The following DEPDC4 variants were observed in gnomAD, a reference collection of about 807,000 sequenced individuals.
DEPDC4 encodes the protein DEP domain containing 4.
Under a neutral mutation model 52.0 loss-of-function variants are expected in DEPDC4, and 52 were observed. That is an observed-to-expected ratio of 1.00 (90% confidence interval 0.80 to 1.26). The LOEUF (loss-of-function observed/expected upper bound fraction) is 1.26, where lower values mean the gene tolerates loss of function less well. Ranked by LOEUF, DEPDC4 falls within the 50% of genes most tolerant of loss-of-function variation. The probability of loss-of-function intolerance (pLI) is 0.00; values close to 1 mark genes in which losing one functional copy is unlikely to be tolerated. For missense variants in DEPDC4, 530 were observed against 546.9 expected (o/e 0.97, Z 0.31); for synonymous variants, 201 against 196.8 (o/e 1.02, Z -0.18).
chr12:100,235,237 T>G (rs1253274551), downstream of DEPDC4, among the ~76,000 whole-genome samples: 1 of 152,108 alleles, frequency 6.6e-6, no homozygotes, highest in Non-Finnish European at 1.5e-5. Flanking sequence ...CTAAACTATA[T>G]TTTATCCTAA....
intron 5 of DEPDC4, among the ~76,000 whole-genome samples, chr12:100,253,145 T>G (rs2096215696): frequency 6.6e-6 from 1 of 152,234 alleles, no homozygotes; most frequent in South Asian, 2.1e-4. Flanking sequence ...CTAGAACTCC[T>G]GACCTCAGGT....
Position 100,263,640 on chromosome 12 carries a change from T to C in DEPDC4, c.411A>G (p.Gly137=), listed in dbSNP as rs758634987. ...LMNHKVFEPV[G]MKKLFKKEKE... is the part of the protein sequence containing the mutation. ...TTTCTTTTTTGAAAAGCTTCTTCAT[T>C]CCTACTGGTTCAAATACTTTGTGAT... Residue 137 remains glycine, a synonymous_variant, in exon 2 of 10, where the codon GGA becomes GGG. Coordinates refer to ENST00000550587, the MANE Select transcript of DEPDC4 (RefSeq NM_001364818.2). The C allele has an allele frequency of 6.2e-7, 1 of 1,614,138 alleles. No individual in the cohort carries two copies. Among genetic ancestry groups the C allele is most frequent in the African/African-American group, 1.3e-5 (1 of 75,058 alleles).
In DEPDC4 at chr12:100,250,533, T is replaced by C. The variant is rs78636174; in HGVS notation, c.1375-1555A>G. On this transcript the variant is annotated intron_variant, in intron 7 of 9. Coordinates refer to ENST00000550587, the MANE Select transcript of DEPDC4 (RefSeq NM_001364818.2). ...CTGCACCTGGCCTGAACCAGTATGT[T>C]TCCTTATGACACTGCTAGTTGGAAC... is the stretch of plus-strand genomic sequence containing the variant. Among the ~76,000 whole-genome samples, 142 of 152,296 alleles carry C rather than the reference T, an allele frequency of 9.3e-4. 1 individual carries two copies. The highest frequency in any genetic ancestry group is 1.6e-3 in the Non-Finnish European group (112 of 68,028).
intron 8 of DEPDC4, among the ~76,000 whole-genome samples, chr12:100,247,947 G>A (rs895095285): frequency 5.9e-5 from 9 of 151,950 alleles, no homozygotes; most frequent in African/African-American, 1.7e-4. Flanking sequence ...AAAAATCACC[G>A]ATCTTTCTAG....
At chr12:100,271,281 A>AAAG (rs869276181), upstream of DEPDC4, among the ~76,000 whole-genome samples, 956 of 128,760 alleles carry the variant, frequency 7.4e-3, 20 homozygotes, top group African/African-American at 0.023. Context: ...AAAAAAAAAA[A>AAAG]AGAGAGAGAG....
chr12:100,232,918 A>G (rs2096136689), intron 9 of DEPDC4, among the ~76,000 whole-genome samples: 1 of 152,122 alleles, frequency 6.6e-6, no homozygotes, highest in Non-Finnish European at 1.5e-5. Flanking sequence ...AACAAACACA[A>G]AAAAAGAAAC....
the DEPDC4 span, among the ~76,000 whole-genome samples, chr12:100,272,876 GT>G: frequency 6.6e-6 from 1 of 152,062 alleles, no homozygotes; most frequent in African/African-American, 2.4e-5. Flanking sequence ...ATATAACGTA[GT>G]TTAACATGTA....
rs1192282980 is a variant in DEPDC4 at position 100,241,337 on chromosome 12, C to T, written c.*555G>A. Among the ~76,000 whole-genome samples the T allele has an allele frequency of 6.6e-6, 1 of 152,010 alleles. No homozygotes were observed. The highest frequency in any genetic ancestry group is 1.5e-5 in the Non-Finnish European group (1 of 67,992). ...CAAACATGAAGGCTAACTTGTATTC[C>T]TTCTTAAAGTTAAAAACTTCCTTAA... is the stretch of plus-strand genomic sequence containing the variant. On this transcript the variant is annotated 3_prime_UTR_variant, in exon 10 of 10. Coordinates refer to ENST00000550587, the MANE Select transcript of DEPDC4 (RefSeq NM_001364818.2).
upstream of DEPDC4, among the ~76,000 whole-genome samples, chr12:100,270,619 CTTTCTT>C (rs1566338207): frequency 7.5e-6 from 1 of 133,706 alleles, no homozygotes; most frequent in Non-Finnish European, 1.6e-5. Context: ...TTTCATGTTG[CTTTCTT>C]TTTTTTTTTT....
At chr12:100,244,240 G>A (rs2096175405) in intron 8 of DEPDC4, among the ~76,000 whole-genome samples, 1 of 150,824 alleles carries the variant, frequency 6.6e-6, no homozygotes, top group Non-Finnish European at 1.5e-5. Context: ...GAATGCAGTG[G>A]CGCGATCTCG....
intron 4 of DEPDC4, chr12:100,255,814 A>C: frequency 3.4e-6 from 1 of 294,458 alleles, no homozygotes; most frequent in South Asian, 1.1e-4. Context: ...ATGCGGGGAG[A>C]AGATGATTGA....
chr12:100,238,181 C>G (rs905384510), downstream of DEPDC4: 16 of 296,660 alleles, frequency 5.4e-5, no homozygotes, highest in African/African-American at 3.8e-4. Context: ...AATTGGGTTG[C>G]TTTTTTTTTT....
upstream of DEPDC4, among the ~76,000 whole-genome samples, chr12:100,271,651 G>T (rs1222924121): frequency 6.6e-6 from 1 of 152,188 alleles, no homozygotes; most frequent in East Asian, 1.9e-4. Flanking sequence ...TAGGTGCCAT[G>T]AGACTGAAAG....
intron 1 of DEPDC4, among the ~76,000 whole-genome samples, chr12:100,265,864 G>A (rs1279089679): frequency 6.6e-6 from 1 of 152,104 alleles, no homozygotes; most frequent in Non-Finnish European, 1.5e-5. Context: ...AACTTCAAAC[G>A]AGTAACCTTG....
At chr12:100,261,789 G>C in intron 3 of DEPDC4, 2 of 456,752 alleles carry the variant, frequency 4.4e-6, no homozygotes, top group South Asian at 3.1e-5. Context: ...GAGAAGGAGG[G>C]AGTCAACACA....
intron 1 of DEPDC4, among the ~76,000 whole-genome samples, chr12:100,266,169 G>A (rs2096272029): frequency 6.7e-6 from 1 of 149,522 alleles, no homozygotes; most frequent in African/African-American, 2.4e-5. Flanking sequence ...AGGGGGAAGT[G>A]GGTAGAATCC....
At chr12:100,271,421 C>T (rs1029293344), upstream of DEPDC4, among the ~76,000 whole-genome samples, 5 of 152,032 alleles carry the variant, frequency 3.3e-5, no homozygotes, top group East Asian at 1.9e-4. Flanking sequence ...GAATGTAATT[C>T]TTGAATGTAA....
chr12:100,278,861 C>T, the DEPDC4 span, among the ~76,000 whole-genome samples: 2 of 152,184 alleles, frequency 1.3e-5, no homozygotes, highest in East Asian at 3.9e-4. Flanking sequence ...ATCTTTTGAC[C>T]TTGTGATCTG....
chr12:100,255,815 A>G, intron 4 of DEPDC4: 1 of 296,900 alleles, frequency 3.4e-6, no homozygotes, highest in Non-Finnish European at 6.2e-6. Flanking sequence ...TGCGGGGAGA[A>G]GATGATTGAC....
Sources: allele counts gnomAD v4.1 joint callset (sites outside exome capture counted in the v4.1 genomes callset), GRCh38; gene constraint gnomAD v4.1.1; transcripts MANE v1.5; gene names NCBI Gene and HGNC (gene_info 2026-07-23, HGNC 2026-07-21).